Variants in MATR3 observed in about 807,000 individuals in gnomAD.
MATR3 encodes matrin-3.
A neutral mutation model predicts 85.5 loss-of-function variants in MATR3; 4 were observed. That is an observed-to-expected ratio of 0.05 (90% confidence interval 0.02 to 0.11). The LOEUF (loss-of-function observed/expected upper bound fraction) is 0.11, where lower values mean the gene tolerates loss of function less well. Among genes scored for constraint, MATR3 ranks in the 10% least tolerant of loss-of-function variants. MATR3 has a pLI of 1.00. For synonymous variants in MATR3, 336 were observed against 343.1 expected, an observed-to-expected ratio of 0.98 and a Z score of 0.23; for missense variants, 685 against 1,016.1, an observed-to-expected ratio of 0.67 and a Z score of 4.43.
intron 3 of MATR3, among the ~76,000 whole-genome samples, chr5:139,287,686 G>C (rs1371321003): frequency 6.6e-6 from 1 of 151,936 alleles, no homozygotes; most frequent in Non-Finnish European, 1.5e-5. Flanking sequence ...AGTCTCACCA[G>C]CAATTCTTGC....
intron 1 of MATR3, among the ~76,000 whole-genome samples, chr5:139,305,722 T>G (rs1268285379): frequency 3.9e-5 from 6 of 152,164 alleles, no homozygotes; most frequent in Non-Finnish European, 1.5e-5. Flanking sequence ...TATTAATAGT[T>G]TCTTTGGTGT....
At chr5:139,325,374 C>T in intron 12 of MATR3, 66 bp from the exon 13 acceptor site, 1 of 1,609,418 alleles carries the variant, frequency 6.2e-7, no homozygotes, top group Non-Finnish European at 8.5e-7. Flanking sequence ...ACTTCAGAAA[C>T]TTCGTAAATC....
At chr5:139,292,635 G>T (rs528828545), upstream of MATR3, among the ~76,000 whole-genome samples, 9 of 152,298 alleles carry the variant, frequency 5.9e-5, no homozygotes, top group East Asian at 1.5e-3. Flanking sequence ...AAGGCTCGCG[G>T]TCCTCCGCCT....
intron 3 of MATR3, chr5:139,280,425 T>C (rs1375069865): frequency 2.6e-5 from 4 of 152,216 alleles, no homozygotes; most frequent in Admixed American, 6.5e-5. Flanking sequence ...AGTTTAATGT[T>C]ATCAATAGCT....
intron 1 of MATR3, among the ~76,000 whole-genome samples, chr5:139,304,457 G>A (rs904523410): frequency 1.3e-5 from 2 of 150,818 alleles, no homozygotes; most frequent in Non-Finnish European, 2.9e-5. Context: ...CTGAGATCGT[G>A]CCATTGCATT....
At chr5:139,329,070 T>C (rs897561859) in intron 14 of MATR3, among the ~76,000 whole-genome samples, 4 of 152,196 alleles carry the variant, frequency 2.6e-5, no homozygotes, top group Non-Finnish European at 4.4e-5. Context: ...CAGTTCAGTG[T>C]GACTGTGGTC....
intron 1 of MATR3, among the ~76,000 whole-genome samples, chr5:139,295,505 A>G (rs190549464): frequency 2.5e-4 from 38 of 152,286 alleles, no homozygotes; most frequent in African/African-American, 7.2e-4. Context: ...TATCATCTTT[A>G]TATATTTTTC....
chr5:139,283,646 C>G (rs1753609902), intron 3 of MATR3: 1 of 152,208 alleles, frequency 6.6e-6, no homozygotes, highest in Non-Finnish European at 1.5e-5. Context: ...TGCCAGAAGA[C>G]TCAAAGGGTT....
At chr5:139,317,436 T>C (rs1408641447) in intron 6 of MATR3, among the ~76,000 whole-genome samples, 160 bp from the exon 7 acceptor site, 3 of 152,228 alleles carry the variant, frequency 2.0e-5, no homozygotes, top group Non-Finnish European at 4.4e-5. Flanking sequence ...ACTTACCCAG[T>C]GACGTTTGAT....
chr5:139,278,723 T>A (rs1753395331), intron 2 of MATR3: 1 of 482,078 alleles, frequency 2.1e-6, no homozygotes, highest in Admixed American at 2.0e-5. Flanking sequence ...TGATACGTCT[T>A]CTACCTGGAG....
At chr5:139,278,804 GC>G in intron 2 of MATR3, 1 of 514,158 alleles carries the variant, frequency 1.9e-6, no homozygotes, top group Admixed American at 1.9e-5. Flanking sequence ...AGCTATCCAG[GC>G]TCATGTGGTG....
intron 2 of MATR3, among the ~76,000 whole-genome samples, chr5:139,308,906 T>C (rs184946279): frequency 7.0e-4 from 107 of 152,316 alleles, no homozygotes; most frequent in Admixed American, 2.0e-3. Flanking sequence ...CTGAAATTTT[T>C]CATCATTTTT....
chr5:139,296,224 T>C (rs1754142355), intron 1 of MATR3, among the ~76,000 whole-genome samples: 1 of 152,216 alleles, frequency 6.6e-6, no homozygotes, highest in Admixed American at 6.5e-5. Context: ...TTTGGGAATC[T>C]GCTAATTCTG....
chr5:139,300,030 C>T (rs992587692), intron 1 of MATR3: 3 of 151,808 alleles, frequency 2.0e-5, no homozygotes, highest in African/African-American at 7.3e-5. Flanking sequence ...TCCACTTTTA[C>T]TAGAATTACT....
intron 3 of MATR3, among the ~76,000 whole-genome samples, chr5:139,281,373 T>TTG (rs1753518722): frequency 6.8e-6 from 1 of 147,886 alleles, no homozygotes; most frequent in African/African-American, 2.5e-5. Flanking sequence ...TTTTTTTTTT[T>TTG]GCTCTGTTGC....
chr5:139,282,654 T>C (rs1034942332), intron 3 of MATR3: 7 of 152,254 alleles, frequency 4.6e-5, no homozygotes, highest in African/African-American at 1.7e-4. Flanking sequence ...TTAAATGGGC[T>C]AATATTGATA....
At chr5:139,295,103 A>G (rs1754075484) in intron 1 of MATR3, 2 of 152,246 alleles carry the variant, frequency 1.3e-5, no homozygotes, top group Non-Finnish European at 2.9e-5. Context: ...GGGAAATCTA[A>G]ACAGTTGACT....
exon 3 of MATR3, chr5:139,279,080 A>G (rs778003922): frequency 2.2e-6 from 1 of 458,902 alleles, no homozygotes; most frequent in South Asian, 1.5e-5. Context: ...ATCTACCTCC[A>G]TCAGGACCCC....
At chr5:139,298,624 C>G (rs1355754926) in intron 1 of MATR3, among the ~76,000 whole-genome samples, 4 of 152,058 alleles carry the variant, frequency 2.6e-5, no homozygotes, top group Non-Finnish European at 5.9e-5. Context: ...GTAGAAAAAT[C>G]TAATGGATAA....
Sources: gnomAD v4.1 joint callset for allele counts (sites outside exome capture counted in the v4.1 genomes callset) on GRCh38, gnomAD v4.1.1 for gene constraint, MANE v1.5 for transcripts, NCBI Gene and HGNC (gene_info 2026-07-23, HGNC 2026-07-21) for gene names.